Variants in FBRSL1 observed in about 807,000 individuals in gnomAD.
FBRSL1 encodes the protein fibrosin like 1.
Under a neutral mutation model 89.6 loss-of-function variants are expected in FBRSL1, and 51 were observed. That is an observed-to-expected ratio of 0.57 (90% CI 0.45 to 0.72). The LOEUF is 0.72. Ranked by LOEUF, FBRSL1 falls within the 30% of genes least tolerant of loss-of-function variation. FBRSL1 has a pLI of 0.00. For missense variants in FBRSL1, 1,618 were observed against 1,451.8 expected, an observed-to-expected ratio of 1.11 and a Z score of -1.86; for synonymous variants, 779 against 681.1, an observed-to-expected ratio of 1.14 and a Z score of -2.24.
rs111927343 is a variant in FBRSL1 at position 132,568,139 on chromosome 12, C to T, written c.691+613C>T. On this transcript the variant is annotated intron_variant, in intron 6 of 18. Transcript: ENST00000680143. ...CAACCCTCTCCAGAGGGGATAGCCC[C>T]AGCGTCTTCTTAGGGCCTCCCTGGC... Among the ~76,000 whole-genome samples, 194 of 152,318 alleles carry T rather than the reference C, an allele frequency of 1.3e-3. 1 individual carries two copies. Among genetic ancestry groups the T allele is most frequent in the African/African-American group, 4.5e-3 (186 of 41,572 alleles).
intron 4 of FBRSL1, among the ~76,000 whole-genome samples, chr12:132,534,286 A>G (rs1478923711): frequency 6.6e-6 from 1 of 152,226 alleles, no homozygotes; most frequent in African/African-American, 2.4e-5. Flanking sequence ...GTCGGGCCCC[A>G]GGTGAAGGGA....
intron 14 of FBRSL1, among the ~76,000 whole-genome samples, chr12:132,575,866 A>G (rs2040350918): frequency 6.6e-6 from 1 of 152,246 alleles, no homozygotes; most frequent in African/African-American, 2.4e-5. Context: ...GGCCAGCCTG[A>G]GTGCGGGTCA....
chr12:132,536,575 T>A (rs1024276176), intron 4 of FBRSL1, among the ~76,000 whole-genome samples: 1 of 150,910 alleles, frequency 6.6e-6, no homozygotes, highest in South Asian at 2.1e-4. Context: ...CATGTGTACA[T>A]CACAGTGTGT....
chr12:132,491,826 G>C (rs796810356), intron 1 of FBRSL1, among the ~76,000 whole-genome samples: 1 of 152,252 alleles, frequency 6.6e-6, no homozygotes, highest in African/African-American at 2.4e-5. Context: ...CCAGGGAAGT[G>C]GCCCCAGAAC....
intron 1 of FBRSL1, 96 bp from the exon 2 acceptor site, chr12:132,508,057 G>T (rs2033897798): frequency 1.6e-6 from 2 of 1,262,850 alleles, no homozygotes; most frequent in Admixed American, 5.5e-5. Flanking sequence ...CCCAAGTGGG[G>T]AGGCTCCTTC....
chr12:132,553,350 G>A (rs1018855760), intron 5 of FBRSL1: 2 of 152,240 alleles, frequency 1.3e-5, no homozygotes, highest in Admixed American at 1.3e-4. Flanking sequence ...AGCCCAGAAG[G>A]GCCTTGAGAG....
intron 3 of FBRSL1, among the ~76,000 whole-genome samples, chr12:132,527,184 G>A (rs2035857931): frequency 6.6e-6 from 1 of 152,000 alleles, no homozygotes; most frequent in African/African-American, 2.4e-5. Context: ...TCCTTGTCTA[G>A]CCAGGGCACC....
intron 2 of FBRSL1, among the ~76,000 whole-genome samples, chr12:132,513,217 G>T (rs1388297841): frequency 6.6e-6 from 1 of 152,196 alleles, no homozygotes; most frequent in African/African-American, 2.4e-5. Context: ...GGCCTGCGAG[G>T]CCTCCGGCAA....
rs1405465145 is a variant in FBRSL1, at chr12:132,548,046, C to T, written c.645+14C>T. The T allele has an allele frequency of 6.5e-7, 1 of 1,549,996 alleles. No individual in the cohort carries two copies. Among genetic ancestry groups the T allele is most frequent in the South Asian group, 1.2e-5 (1 of 84,012 alleles). On this transcript the variant is annotated intron_variant, in intron 5 of 18. Transcript: ENST00000680143. ...CCGGACGACAAGGTAAGCCCAGCGT[C>T]CTCCTCCTGGGCTCGGCTGACAGCC...
chr12:132,580,568 C>T (rs564496907), intron 15 of FBRSL1, among the ~76,000 whole-genome samples: 1 of 152,192 alleles, frequency 6.6e-6, no homozygotes, highest in Non-Finnish European at 1.5e-5. Context: ...CTCCTGCACA[C>T]GCTTTGACAA....
chr12:132,524,737 G>A (rs891033200), intron 2 of FBRSL1, among the ~76,000 whole-genome samples: 1 of 152,238 alleles, frequency 6.6e-6, no homozygotes, highest in South Asian at 2.1e-4. Context: ...GGGCTTCCAC[G>A]TGAGTCTGGG....
intron 4 of FBRSL1, 118 bp downstream of exon 4, chr12:132,528,106 C>T (rs2035953240): frequency 2.3e-6 from 2 of 882,360 alleles, no homozygotes; most frequent in Admixed American, 2.1e-5. Flanking sequence ...GCCCGCTTTC[C>T]CTCTGGAGCC....
chr12:132,492,128 G>A (rs926968595), intron 1 of FBRSL1, among the ~76,000 whole-genome samples: 2 of 152,184 alleles, frequency 1.3e-5, no homozygotes, highest in African/African-American at 4.8e-5. Flanking sequence ...CCCTGCGCTC[G>A]GCTCCTGCAC....
Position 132,508,319 on chromosome 12 carries a change from C to A in FBRSL1, c.458C>A (p.Ala153Glu). 1.3e-6 allele frequency: 2 copies of A among 1,542,374 alleles called. No homozygotes were observed. The highest frequency in any genetic ancestry group is 2.0e-5 in the Admixed American group (1 of 49,914). Residue 153 changes from alanine (A) to glutamate (E), a missense_variant, in exon 2 of 19, where the codon GCG becomes GAG. Physicochemically the swap from Ala to Glu is moderately radical, Grantham distance 107. Coordinates refer to ENST00000680143, the MANE Select transcript of FBRSL1 (RefSeq NM_001367871.1). ...GQDLEPACDG[A>E]RKVPLQPSKQ... ...GACCTCGAACCCGCCTGCGATGGGG[C>A]GAGAAAGGTCCCACTGCAGCCCTCC...
intron 5 of FBRSL1, among the ~76,000 whole-genome samples, chr12:132,556,678 C>T (rs1318328183): frequency 8.6e-4 from 107 of 124,584 alleles, no homozygotes; most frequent in African/African-American, 3.7e-3. Flanking sequence ...TCCTGTGGGA[C>T]GCTCCTCTCC....
At chr12:132,529,495 C>T (rs912976183) in intron 4 of FBRSL1, among the ~76,000 whole-genome samples, 2 of 152,178 alleles carry the variant, frequency 1.3e-5, no homozygotes, top group Non-Finnish European at 1.5e-5. Context: ...GCTGCCCTTT[C>T]ACCTGAGGTT....
At chr12:132,491,811 G>A (rs941393814) in intron 1 of FBRSL1, among the ~76,000 whole-genome samples, 21 of 152,368 alleles carry the variant, frequency 1.4e-4, no homozygotes, top group African/African-American at 4.6e-4. Flanking sequence ...GGTCAGGGCC[G>A]GTGGCCAGGG....
Position 132,574,110 on chromosome 12 carries a change from G to C in FBRSL1, c.1551G>C (p.Val517=). ...FQPKTSSPIE[V]ARRAGAVHTL... ...CTCAGACTTCAAGCCCCATTGAGGT[G>C]GCCCGCCGGGCTGGTGCGGTTCACA... Residue 517 remains valine (V), a synonymous_variant, in exon 12 of 19, where the codon GTG becomes GTC. Coordinates refer to ENST00000680143, the MANE Select transcript of FBRSL1 (RefSeq NM_001367871.1). 1 of 1,352,898 alleles carries C rather than the reference G, an allele frequency of 7.4e-7. No homozygotes were observed. Among genetic ancestry groups the C allele is most frequent in the Non-Finnish European group, 9.5e-7 (1 of 1,057,462 alleles). 83.8% of individuals were successfully genotyped at this position (1,352,898 alleles called of 1,614,324 possible).
rs193248205 is a variant in FBRSL1, at chr12:132,567,809, C to T, written c.691+283C>T. ...TGTGCTCTCAGGCCCTCCCCAGGTT[C>T]GTGGGGTCAGATGCTCGGTACTGAA... is the stretch of plus-strand genomic sequence containing the variant. On this transcript the variant is annotated intron_variant, in intron 6 of 18. Coordinates refer to ENST00000680143, the MANE Select transcript of FBRSL1 (RefSeq NM_001367871.1). Among the ~76,000 whole-genome samples the T allele has an allele frequency of 3.2e-3, 494 of 152,270 alleles. 2 individuals are homozygous for T. The highest frequency in any genetic ancestry group is 0.011 in the African/African-American group (466 of 41,552).
Sources: gnomAD v4.1 joint callset for allele counts (sites outside exome capture counted in the v4.1 genomes callset) on GRCh38, gnomAD v4.1.1 for gene constraint, MANE v1.5 for transcripts, NCBI Gene and HGNC (gene_info 2026-07-23, HGNC 2026-07-21) for gene names.